The following ACSL5 variants were observed in gnomAD, a reference collection of about 807,000 sequenced individuals.
ACSL5 encodes the protein acyl-CoA synthetase long chain family member 5.
In ACSL5, 50 loss-of-function variants were observed where a neutral mutation model predicts 84.9. The ratio of observed to expected loss-of-function variants is 0.59; its 90% CI spans 0.47 to 0.75. ACSL5 has a LOEUF of 0.75. Ranked by LOEUF, ACSL5 falls within the 30% of genes least tolerant of loss-of-function variation. ACSL5 has a pLI of 0.00. For missense variants in ACSL5, 775 were observed against 830.4 expected, an observed-to-expected ratio of 0.93 and a Z score of 0.82; for synonymous variants, 280 against 300.7, an observed-to-expected ratio of 0.93 and a Z score of 0.71.
At chr10:112,415,576 G>A (rs1247620273) in intron 12 of ACSL5, among the ~76,000 whole-genome samples, 1 of 152,226 alleles carries the variant, frequency 6.6e-6, no homozygotes, top group Admixed American at 6.5e-5. Context: ...AGAATGGCAT[G>A]ATGCAGGAAG....
intron 2 of ACSL5, among the ~76,000 whole-genome samples, chr10:112,398,408 CTT>C (rs1396651572): frequency 6.9e-6 from 1 of 144,938 alleles, no homozygotes. Context: ...TTTGTATTTT[CTT>C]TTTTTTTTTT....
intron 3 of ACSL5, among the ~76,000 whole-genome samples, chr10:112,400,793 AC>A (rs756605376): frequency 1.9e-4 from 29 of 151,008 alleles, no homozygotes; most frequent in East Asian, 1.7e-3. Context: ...TCAAGAGATA[AC>A]CCCCTCCCCG....
intron 5 of ACSL5, 69 bp downstream of exon 5, chr10:112,404,875 C>A: frequency 7.4e-7 from 1 of 1,351,452 alleles, no homozygotes; most frequent in Non-Finnish European, 1.0e-6. Context: ...ATGCTATTCC[C>A]CGTCCAGCAT....
chr10:112,376,156 C>G (rs2133551091), intron 1 of ACSL5: 1 of 1,094,420 alleles, frequency 9.1e-7, no homozygotes, highest in Non-Finnish European at 1.3e-6. Flanking sequence ...CTTCTCCCCT[C>G]CTGGTCAGAA....
chr10:112,395,192 G>T, intron 2 of ACSL5, 90 bp downstream of exon 2: 1 of 1,276,110 alleles, frequency 7.8e-7, no homozygotes, highest in East Asian at 2.4e-5. Context: ...AAGGGGATTG[G>T]GTGCAGCATG....
At chr10:112,380,094 G>C (rs575455186) in intron 1 of ACSL5, among the ~76,000 whole-genome samples, 2 of 152,206 alleles carry the variant, frequency 1.3e-5, no homozygotes, top group East Asian at 1.9e-4. Context: ...ATGCCCTTTG[G>C]GGGTGTTACT....
intron 3 of ACSL5, among the ~76,000 whole-genome samples, chr10:112,400,665 C>T (rs958031744): frequency 1.3e-5 from 2 of 152,004 alleles, no homozygotes; most frequent in African/African-American, 4.8e-5. Flanking sequence ...CCTTGACCTC[C>T]CAAAGTGCTG....
intron 17 of ACSL5, 67 bp downstream of exon 17, chr10:112,422,508 C>G (rs1471952290): frequency 7.6e-6 from 11 of 1,447,604 alleles, no homozygotes; most frequent in East Asian, 2.3e-5. Context: ...CTGCTTATAG[C>G]AAGAGGTGCA....
At chr10:112,394,785 T>G (rs892890319) in intron 1 of ACSL5, 133 bp from the exon 2 acceptor site, 9 of 1,492,324 alleles carry the variant, frequency 6.0e-6, no homozygotes, top group Non-Finnish European at 8.0e-6. Flanking sequence ...TACAACTGTG[T>G]TTGAGGGTTT....
intron 2 of ACSL5, among the ~76,000 whole-genome samples, chr10:112,395,342 C>A (rs1159244140): frequency 6.6e-6 from 1 of 152,132 alleles, no homozygotes; most frequent in African/African-American, 2.4e-5. Flanking sequence ...TAGCCATGAA[C>A]AAAATCCATC....
intron 3 of ACSL5, among the ~76,000 whole-genome samples, chr10:112,404,183 T>C (rs1470880201): frequency 2.0e-5 from 3 of 152,256 alleles, no homozygotes; most frequent in Admixed American, 6.5e-5. Flanking sequence ...TGTTTACTTG[T>C]AGGCTTTCAC....
intron 1 of ACSL5, among the ~76,000 whole-genome samples, chr10:112,390,321 C>T (rs148973935): frequency 4.1e-4 from 63 of 151,976 alleles, no homozygotes; most frequent in African/African-American, 1.5e-3. Flanking sequence ...CAAATCAAAC[C>T]CACAATGAGG....
intron 1 of ACSL5, among the ~76,000 whole-genome samples, chr10:112,383,659 A>G (rs912830178): frequency 2.6e-5 from 4 of 152,242 alleles, no homozygotes; most frequent in Admixed American, 6.5e-5. Context: ...TGTCAAATGT[A>G]GTTTTGGTAG....
At chr10:112,423,897 G>A (rs919649634) in intron 17 of ACSL5, among the ~76,000 whole-genome samples, 2 of 152,114 alleles carry the variant, frequency 1.3e-5, no homozygotes, top group Admixed American at 1.3e-4. Context: ...AGACTGAGGA[G>A]GGAGAATTGT....
chr10:112,394,990 C>T lies in ACSL5; in HGVS notation c.44C>T (p.Pro15Leu), dbSNP rs558874770. The T allele has an allele frequency of 6.2e-5, 100 of 1,613,790 alleles. No homozygotes were observed. Among genetic ancestry groups the T allele is most frequent in the Middle Eastern group, 3.3e-4 (2 of 6,084 alleles). Residue 15 changes from proline to leucine, a missense_variant, in exon 2 of 21, where the codon CCG (proline) becomes CTG (leucine). Pro to Leu is a moderately conservative substitution (Grantham distance 98). Coordinates refer to ENST00000354655, the MANE Select transcript of ACSL5 (RefSeq NM_203379.2). The stretch of plus-strand genomic sequence containing the variant: ...TTTTTGTTTTCCCCACTTCCGACCC[C>T]GGCGTTGATCTGCATCCTGACATTT... ...FNFLFSPLPTPALICILTFGA... is the reference protein window; with the variant it reads ...FNFLFSPLPTLALICILTFGA...
chr10:112,404,370 A>C (rs551468493), intron 3 of ACSL5, 141 bp from the exon 4 acceptor site: 7 of 645,482 alleles, frequency 1.1e-5, no homozygotes, highest in Non-Finnish European at 1.9e-5. Flanking sequence ...TCTGACTTTG[A>C]ATTTCCTGGA....
intron 19 of ACSL5, 181 bp from the exon 20 acceptor site, chr10:112,426,600 GTTAACAC>G (rs1844729124): frequency 1.6e-6 from 1 of 628,892 alleles, no homozygotes; most frequent in Non-Finnish European, 2.8e-6. Flanking sequence ...AGAGAAAACT[GTTAACAC>G]TTAGATGTGC....
In ACSL5 at chr10:112,418,498, C is replaced by T. The variant is rs1173082434; in HGVS notation, c.1314+557C>T. ...TCGGGAGGCTGAGGCGGGAGAATGGCGTGAACCCGGCAGGTGGAGCTTGCA... is the reference window on the plus strand; with the variant it reads ...TCGGGAGGCTGAGGCGGGAGAATGGTGTGAACCCGGCAGGTGGAGCTTGCA... On this transcript the variant is annotated intron_variant, in intron 14 of 20. Coordinates refer to ENST00000354655, the MANE Select transcript of ACSL5 (RefSeq NM_203379.2). Among the ~76,000 whole-genome samples the T allele has an allele frequency of 2.0e-5, 3 of 152,152 alleles. No homozygotes were observed. The South Asian group carries it at 6.2e-4, about 32-fold the overall frequency.
chr10:112,405,102 G>A (rs1008909328), intron 5 of ACSL5, among the ~76,000 whole-genome samples: 2 of 152,192 alleles, frequency 1.3e-5, no homozygotes, highest in South Asian at 2.1e-4. Context: ...AGGAGGGACC[G>A]CCAAATAAGA....
Sources: gnomAD v4.1 joint callset for allele counts (sites outside exome capture counted in the v4.1 genomes callset) on GRCh38, gnomAD v4.1.1 for gene constraint, MANE v1.5 for transcripts, NCBI Gene and HGNC (gene_info 2026-07-23, HGNC 2026-07-21) for gene names.